Variants in RUNX1T1 observed in about 807,000 individuals in gnomAD.
RUNX1T1 encodes RUNX1 partner transcriptional co-repressor 1, also known as protein CBFA2T1.
A neutral mutation model predicts 62.8 loss-of-function variants in RUNX1T1; 4 were observed. That is an observed-to-expected ratio of 0.06 (90% confidence interval 0.03 to 0.15). The LOEUF (loss-of-function observed/expected upper bound fraction) is 0.15. Among genes scored for constraint, RUNX1T1 ranks in the 10% least tolerant of loss-of-function variants. The probability of loss-of-function intolerance (pLI) is 1.00; values close to 1 mark genes in which losing one functional copy is unlikely to be tolerated. For synonymous variants in RUNX1T1, 291 were observed against 286.0 expected, an observed-to-expected ratio of 1.02 and a Z score of -0.18; for missense variants, 508 against 754.3, an observed-to-expected ratio of 0.67 and a Z score of 3.82.
intron 1 of RUNX1T1, among the ~76,000 whole-genome samples, chr8:92,093,839 C>A (rs1429615918): frequency 6.6e-6 from 1 of 152,210 alleles, no homozygotes; most frequent in Non-Finnish European, 1.5e-5. Flanking sequence ...TATGCAAGAT[C>A]TATGGCTAGC....
intron 1 of RUNX1T1, among the ~76,000 whole-genome samples, chr8:92,082,538 C>A (rs181421915): frequency 3.9e-5 from 6 of 152,266 alleles, no homozygotes; most frequent in Non-Finnish European, 7.3e-5. Context: ...CTTGAGGCCC[C>A]ACACACAGCT....
At chr8:92,061,097 A>G (rs909311897) in intron 1 of RUNX1T1, among the ~76,000 whole-genome samples, 2 of 152,238 alleles carry the variant, frequency 1.3e-5, no homozygotes, top group African/African-American at 2.4e-5. Flanking sequence ...AAAATGATGC[A>G]ATTAGCTAGA....
chr8:91,967,654 C>T (rs889599274), intron 10 of RUNX1T1, among the ~76,000 whole-genome samples: 8 of 152,132 alleles, frequency 5.3e-5, no homozygotes, highest in African/African-American at 1.7e-4. Flanking sequence ...ACACAAATAG[C>T]GCAGAAGAAA....
intron 1 of RUNX1T1, among the ~76,000 whole-genome samples, chr8:92,029,274 C>G (rs1238602833): frequency 6.6e-6 from 1 of 152,104 alleles, no homozygotes; most frequent in East Asian, 1.9e-4. Context: ...ATGAGATGTT[C>G]ATTTCTATAG....
chr8:92,101,148 GA>G (rs1206957480), upstream of RUNX1T1, among the ~76,000 whole-genome samples: 4 of 152,168 alleles, frequency 2.6e-5, no homozygotes, highest in Non-Finnish European at 5.9e-5. Context: ...TACAGATGTT[GA>G]AAAGGAGACT....
downstream of RUNX1T1, chr8:91,957,039 AAAAGAG>A (rs555345727): frequency 1.6e-3 from 352 of 218,602 alleles, 1 homozygote; most frequent in African/African-American, 5.3e-3. Context: ...ATGACAGAGA[AAAAGAG>A]AAAGAGAAAA....
chr8:92,025,726 T>C (rs1166839557), intron 1 of RUNX1T1, among the ~76,000 whole-genome samples: 2 of 152,238 alleles, frequency 1.3e-5, no homozygotes, highest in Non-Finnish European at 2.9e-5. Context: ...CTTAGCAGTA[T>C]CTGACACACA....
At chr8:92,009,686 C>T (rs566013304) in intron 4 of RUNX1T1, 7 of 150,686 alleles carry the variant, frequency 4.6e-5, no homozygotes, top group Admixed American at 1.3e-4. Flanking sequence ...CAGAAAACAA[C>T]GCTTTCTGAG....
intron 1 of RUNX1T1, among the ~76,000 whole-genome samples, chr8:92,023,465 G>A (rs1824517354): frequency 6.6e-6 from 1 of 152,030 alleles, no homozygotes; most frequent in Non-Finnish European, 1.5e-5. Context: ...AAATTTCCAT[G>A]TCCACAAGAA....
chr8:92,096,324 A>G (rs183707120), intron 1 of RUNX1T1, among the ~76,000 whole-genome samples: 1 of 152,248 alleles, frequency 6.6e-6, no homozygotes, highest in East Asian at 1.9e-4. Context: ...GAGGCAATCA[A>G]TCTCGGCTTG....
At chr8:92,010,137 C>G (rs925119869) in intron 4 of RUNX1T1, 1 of 152,182 alleles carries the variant, frequency 6.6e-6, no homozygotes, top group East Asian at 1.9e-4. Flanking sequence ...AGGAACCAGA[C>G]AGAAAGGTAA....
chr8:92,065,476 G>C (rs866920563), upstream of RUNX1T1, among the ~76,000 whole-genome samples: 22 of 152,154 alleles, frequency 1.4e-4, no homozygotes, highest in Middle Eastern at 3.2e-3. Flanking sequence ...CCATTTTTAA[G>C]GCAATTTTTT....
At chr8:91,967,257 T>C (rs1371452801) in intron 10 of RUNX1T1, among the ~76,000 whole-genome samples, 1 of 152,202 alleles carries the variant, frequency 6.6e-6, no homozygotes, top group Non-Finnish European at 1.5e-5. Context: ...ATAACTTGGC[T>C]GACTGTGGGT....
intron 1 of RUNX1T1, among the ~76,000 whole-genome samples, chr8:92,033,515 T>G (rs1348826897): frequency 6.6e-6 from 1 of 152,172 alleles, no homozygotes; most frequent in Non-Finnish European, 1.5e-5. Context: ...CCAGGCACAG[T>G]GGCTCATGCC....
At chr8:92,011,169 A>T in intron 3 of RUNX1T1, 78 bp from the exon 5 acceptor site, 1 of 783,900 alleles carries the variant, frequency 1.3e-6, no homozygotes. Flanking sequence ...AATTATTAAG[A>T]CTGGTACAAC....
At chr8:92,075,881 CA>C in intron 2 of RUNX1T1, 83 bp downstream of exon 2, 1 of 1,257,016 alleles carries the variant, frequency 8.0e-7, no homozygotes, top group East Asian at 2.4e-5. Flanking sequence ...AAAATCTTTA[CA>C]ATTATAATTT....
intron 5 of RUNX1T1, 33 bp from the exon 7 acceptor site, chr8:91,991,922 C>G (rs376824577): frequency 8.1e-6 from 13 of 1,611,514 alleles, no homozygotes; most frequent in Non-Finnish European, 1.1e-5. Context: ...TTTGTTTCAT[C>G]ATCTATTCAG....
intron 1 of RUNX1T1, among the ~76,000 whole-genome samples, chr8:92,061,958 C>T (rs1832109292): frequency 6.6e-6 from 1 of 152,200 alleles, no homozygotes; most frequent in Admixed American, 6.5e-5. Context: ...CTGACATGCA[C>T]TAAATTTCCA....
At chr8:92,069,746 T>G (rs1381370825) in intron 2 of RUNX1T1, among the ~76,000 whole-genome samples, 1 of 152,218 alleles carries the variant, frequency 6.6e-6, no homozygotes, top group Non-Finnish European at 1.5e-5. Flanking sequence ...CTGTATATGT[T>G]GAAATACACT....
Sources: allele counts gnomAD v4.1 joint callset (sites outside exome capture counted in the v4.1 genomes callset), GRCh38; gene constraint gnomAD v4.1.1; transcripts MANE v1.5; gene names NCBI Gene and HGNC (gene_info 2026-07-23, HGNC 2026-07-21).